Variants in MSRA observed in about 807,000 individuals in gnomAD.
The protein encoded by MSRA is methionine sulfoxide reductase A.
Under a neutral mutation model 31.3 loss-of-function variants are expected in MSRA, and 54 were observed. The observed-to-expected ratio is 1.73, with a 90% CI of 1.39 to 2.17. MSRA has a LOEUF of 2.17. Ranked by LOEUF, MSRA falls within the 30% of genes most tolerant of loss-of-function variation. MSRA has a pLI of 0.00. For synonymous variants in MSRA, 169 were observed against 116.5 expected (o/e 1.45, Z -2.90); for missense variants, 507 against 300.9 (o/e 1.69, Z -5.07).
chr8:10,211,767 G>A (rs1183636358), intron 2 of MSRA, among the ~76,000 whole-genome samples: 1 of 152,036 alleles, frequency 6.6e-6, no homozygotes, highest in African/African-American at 2.4e-5. Flanking sequence ...GTTCTCTCTG[G>A]CCGTCAATAT....
At chr8:10,208,765 T>C (rs1809232364) in intron 2 of MSRA, among the ~76,000 whole-genome samples, 1 of 152,252 alleles carries the variant, frequency 6.6e-6, no homozygotes, top group Admixed American at 6.5e-5. Context: ...GGTTCTGTGA[T>C]GTCTCTCATC....
chr8:10,387,791 G>T (rs1806486391), intron 5 of MSRA, among the ~76,000 whole-genome samples: 1 of 152,202 alleles, frequency 6.6e-6, no homozygotes, highest in Non-Finnish European at 1.5e-5. Flanking sequence ...GATTCCTAGG[G>T]AGGGGCTCTT....
At chr8:10,298,908 G>A (rs1800689144) in intron 3 of MSRA, among the ~76,000 whole-genome samples, 1 of 152,070 alleles carries the variant, frequency 6.6e-6, no homozygotes, top group South Asian at 2.1e-4. Context: ...CCTTTGAGAT[G>A]GATTTCCTGG....
At chr8:10,296,145 G>A (rs1435494652) in intron 3 of MSRA, among the ~76,000 whole-genome samples, 1 of 152,136 alleles carries the variant, frequency 6.6e-6, no homozygotes, top group Non-Finnish European at 1.5e-5. Context: ...CTCCAGCAGA[G>A]GAAGCTCAGT....
intron 4 of MSRA, among the ~76,000 whole-genome samples, chr8:10,308,275 T>C (rs2129130123): frequency 6.6e-6 from 1 of 152,346 alleles, no homozygotes; most frequent in East Asian, 1.9e-4. Context: ...CAGTTACCCT[T>C]CTGAAAGCCT....
At chr8:10,415,295 T>C (rs567018524) in intron 5 of MSRA, among the ~76,000 whole-genome samples, 71 of 152,142 alleles carry the variant, frequency 4.7e-4, no homozygotes, top group Non-Finnish European at 7.1e-4. Flanking sequence ...TTGTGAGGTG[T>C]GGGGAGGTGA....
chr8:10,155,448 T>C (rs1390428413), intron 1 of MSRA, among the ~76,000 whole-genome samples: 2 of 152,166 alleles, frequency 1.3e-5, no homozygotes, highest in African/African-American at 4.8e-5. Flanking sequence ...GCCATCCCAA[T>C]ACGCACACAT....
intron 5 of MSRA, among the ~76,000 whole-genome samples, chr8:10,375,867 C>T (rs908428467): frequency 3.3e-5 from 5 of 152,206 alleles, no homozygotes; most frequent in Admixed American, 2.0e-4. Context: ...TCCCCCGACC[C>T]GACTTCTTTG....
chr8:10,059,993 T>A (rs1356721585), intron 1 of MSRA, among the ~76,000 whole-genome samples: 1 of 152,220 alleles, frequency 6.6e-6, no homozygotes, highest in Admixed American at 6.5e-5. Context: ...AAAAATACAC[T>A]CTTGTACATG....
chr8:10,220,786 G>T (rs1810421865), intron 2 of MSRA, among the ~76,000 whole-genome samples: 1 of 152,174 alleles, frequency 6.6e-6, no homozygotes, highest in Admixed American at 6.5e-5. Flanking sequence ...CTCAGCATAT[G>T]ACCTTTGTCA....
chr8:10,108,491 A>G (rs999812867), intron 1 of MSRA, among the ~76,000 whole-genome samples: 2 of 152,214 alleles, frequency 1.3e-5, no homozygotes, highest in Admixed American at 6.5e-5. Context: ...CCTCTCTTCC[A>G]CAAAGACTTT....
chr8:10,382,622 C>A (rs887712316), intron 5 of MSRA, among the ~76,000 whole-genome samples: 1 of 152,152 alleles, frequency 6.6e-6, no homozygotes, highest in Non-Finnish European at 1.5e-5. Flanking sequence ...ACCTGGCCAA[C>A]AAGTGTTAAG....
intron 3 of MSRA, among the ~76,000 whole-genome samples, chr8:10,296,324 C>G (rs1349611048): frequency 1.3e-5 from 2 of 152,180 alleles, no homozygotes; most frequent in African/African-American, 2.4e-5. Context: ...GGGCGGCATC[C>G]TTGTACGGAA....
chr8:10,108,698 G>T (rs1012438269), intron 1 of MSRA, among the ~76,000 whole-genome samples: 1 of 152,204 alleles, frequency 6.6e-6, no homozygotes, highest in Non-Finnish European at 1.5e-5. Context: ...CAGTCCTCAC[G>T]AGGGGGTGTG....
chr8:10,225,241 C>T (rs986901639), intron 2 of MSRA, among the ~76,000 whole-genome samples: 3 of 152,226 alleles, frequency 2.0e-5, no homozygotes, highest in African/African-American at 7.2e-5. Flanking sequence ...CCCATGTATT[C>T]AGTTGAAACC....
At chr8:10,103,148 G>C (rs1483874609) in intron 1 of MSRA, among the ~76,000 whole-genome samples, 2 of 152,020 alleles carry the variant, frequency 1.3e-5, no homozygotes, top group Non-Finnish European at 2.9e-5. Flanking sequence ...ACGCTACCTG[G>C]GTAAGATTTC....
At chr8:10,130,462 T>A (rs1306998524) in intron 1 of MSRA, among the ~76,000 whole-genome samples, 1 of 152,256 alleles carries the variant, frequency 6.6e-6, no homozygotes, top group East Asian at 1.9e-4. Context: ...GTGATCATTG[T>A]TCTCTTTCTG....
intron 1 of MSRA, among the ~76,000 whole-genome samples, chr8:10,133,821 T>G (rs931755542): frequency 1.3e-4 from 20 of 152,180 alleles, no homozygotes; most frequent in East Asian, 3.9e-4. Context: ...ATGGTTTTTT[T>G]TTGTTGTTGT....
At chr8:10,306,490 C>G (rs777088667) in intron 4 of MSRA, among the ~76,000 whole-genome samples, 12 of 151,386 alleles carry the variant, frequency 7.9e-5, no homozygotes, top group Non-Finnish European at 1.5e-4. Context: ...TGTGGGTTTT[C>G]TACCCACCGA....
Sources: allele counts gnomAD v4.1 joint callset (sites outside exome capture counted in the v4.1 genomes callset), GRCh38; gene constraint gnomAD v4.1.1; transcripts MANE v1.5; gene names NCBI Gene and HGNC (gene_info 2026-07-23, HGNC 2026-07-21).